The following CACNA2D1 variants were observed in gnomAD, a reference collection of about 807,000 sequenced individuals.
The protein encoded by CACNA2D1 is calcium voltage-gated channel auxiliary subunit alpha2delta 1, also known as voltage-dependent calcium channel subunit alpha-2/delta-1.
Under a neutral mutation model 171.5 loss-of-function variants are expected in CACNA2D1, and 53 were observed. That is an observed-to-expected ratio of 0.31 (90% confidence interval 0.25 to 0.39). The LOEUF (loss-of-function observed/expected upper bound fraction) is 0.39, where lower values mean the gene tolerates loss of function less well. Among genes scored for constraint, CACNA2D1 ranks in the 10% least tolerant of loss-of-function variants. The pLI, the probability that CACNA2D1 is intolerant of heterozygous loss-of-function variation, is 1.00. For synonymous variants in CACNA2D1, 442 were observed against 443.1 expected (o/e 1.00, Z 0.03); for missense variants, 903 against 1,299.8 (o/e 0.69, Z 4.69).
At chr7:82,001,690 A>G in intron 18 of CACNA2D1, 1 of 1,266,528 alleles carries the variant, frequency 7.9e-7, no homozygotes, top group South Asian at 1.2e-5. Context: ...TCTTAAATTA[A>G]TTGTTGGTAT....
intron 3 of CACNA2D1, among the ~76,000 whole-genome samples, chr7:82,320,114 C>T (rs1815632541): frequency 6.6e-6 from 1 of 151,848 alleles, no homozygotes; most frequent in Non-Finnish European, 1.5e-5. Context: ...TTTGCCCCAA[C>T]CAGCCTGTTA....
chr7:82,007,963 C>T (rs1799305915), intron 15 of CACNA2D1, among the ~76,000 whole-genome samples: 1 of 151,954 alleles, frequency 6.6e-6, no homozygotes, highest in South Asian at 2.1e-4. Context: ...CTACTAGGCA[C>T]CTACTGAAGC....
At chr7:82,439,572 T>C (rs1201933553) in intron 1 of CACNA2D1, among the ~76,000 whole-genome samples, 1 of 151,682 alleles carries the variant, frequency 6.6e-6, no homozygotes, top group East Asian at 1.9e-4. Flanking sequence ...AACCATAATA[T>C]GCTTAGATTC....
intron 3 of CACNA2D1, among the ~76,000 whole-genome samples, chr7:82,206,382 A>C (rs902206242): frequency 3.3e-5 from 5 of 152,222 alleles, no homozygotes; most frequent in Non-Finnish European, 7.4e-5. Context: ...ATAACCATGA[A>C]ATCAAACATT....
intron 6 of CACNA2D1, among the ~76,000 whole-genome samples, chr7:82,110,069 C>A (rs1788193262): frequency 6.6e-6 from 1 of 152,182 alleles, no homozygotes; most frequent in African/African-American, 2.4e-5. Context: ...ATCATACCTC[C>A]TGTTCTTATA....
intron 3 of CACNA2D1, among the ~76,000 whole-genome samples, chr7:82,254,757 T>C (rs1806088359): frequency 6.6e-6 from 1 of 152,204 alleles, no homozygotes; most frequent in South Asian, 2.1e-4. Context: ...ACACTGTTGA[T>C]ACATATAATC....
chr7:81,983,469 T>A, intron 22 of CACNA2D1, 135 bp from the exon 23 acceptor site: 1 of 724,852 alleles, frequency 1.4e-6, no homozygotes, highest in East Asian at 2.7e-5. Context: ...GGTTCATTTA[T>A]GTACAGCTGT....
At chr7:82,279,892 T>C (rs893118812) in intron 3 of CACNA2D1, among the ~76,000 whole-genome samples, 7 of 152,182 alleles carry the variant, frequency 4.6e-5, no homozygotes, top group African/African-American at 1.4e-4. Context: ...GTCCAGGTAA[T>C]TTTCACACAA....
chr7:82,299,659 CAAA>C (rs76037778), intron 3 of CACNA2D1, among the ~76,000 whole-genome samples: 1 of 113,772 alleles, frequency 8.8e-6, no homozygotes, highest in Admixed American at 9.5e-5. Context: ...GACTCTATCT[CAAA>C]AAAAAAAAAA....
intron 3 of CACNA2D1, among the ~76,000 whole-genome samples, chr7:82,290,086 G>A (rs905443061): frequency 1.3e-5 from 2 of 152,096 alleles, no homozygotes; most frequent in African/African-American, 4.8e-5. Flanking sequence ...CTATTAGGTT[G>A]GTGCAAAAGT....
At chr7:82,174,955 T>C (rs531500352) in intron 3 of CACNA2D1, among the ~76,000 whole-genome samples, 1 of 152,176 alleles carries the variant, frequency 6.6e-6, no homozygotes, top group East Asian at 1.9e-4. Flanking sequence ...TCTTTTCCAT[T>C]AGCGTTGAAT....
intron 3 of CACNA2D1, among the ~76,000 whole-genome samples, chr7:82,235,518 C>A (rs1205272326): frequency 6.6e-6 from 1 of 152,142 alleles, no homozygotes; most frequent in Non-Finnish European, 1.5e-5. Flanking sequence ...GCCATCCTCA[C>A]ATTATCACTT....
intron 3 of CACNA2D1, among the ~76,000 whole-genome samples, chr7:82,192,545 T>C (rs1267140581): frequency 6.8e-6 from 1 of 148,098 alleles, no homozygotes; most frequent in Non-Finnish European, 1.5e-5. Flanking sequence ...CAAGGGTCAA[T>C]CCTTGAGAAA....
chr7:82,063,526 A>C (rs1371664751), intron 9 of CACNA2D1, among the ~76,000 whole-genome samples: 2 of 151,834 alleles, frequency 1.3e-5, no homozygotes, highest in Non-Finnish European at 2.9e-5. Context: ...TCCCCAAATT[A>C]CTAGATTTTG....
At chr7:82,241,881 T>G (rs1804343005) in intron 3 of CACNA2D1, among the ~76,000 whole-genome samples, 1 of 152,200 alleles carries the variant, frequency 6.6e-6, no homozygotes, top group Non-Finnish European at 1.5e-5. Flanking sequence ...TGTGTCATTT[T>G]TCACAGTATG....
At chr7:82,227,050 A>G (rs1802439651) in intron 3 of CACNA2D1, among the ~76,000 whole-genome samples, 1 of 152,244 alleles carries the variant, frequency 6.6e-6, no homozygotes, top group Non-Finnish European at 1.5e-5. Flanking sequence ...ATGTTTTAAA[A>G]TCTTGGATAC....
intron 3 of CACNA2D1, among the ~76,000 whole-genome samples, chr7:82,200,364 A>G (rs1266322540): frequency 6.6e-6 from 1 of 152,128 alleles, no homozygotes; most frequent in African/African-American, 2.4e-5. Flanking sequence ...ACCTGTGAAT[A>G]AAATAATGAG....
chr7:82,442,566 T>C (rs1830586039), intron 1 of CACNA2D1, among the ~76,000 whole-genome samples: 1 of 152,250 alleles, frequency 6.6e-6, no homozygotes, highest in Admixed American at 6.5e-5. Flanking sequence ...TATAGCTACC[T>C]ATAAGCCCTC....
chr7:81,990,929 T>G, intron 21 of CACNA2D1, among the ~76,000 whole-genome samples: 1 of 152,200 alleles, frequency 6.6e-6, no homozygotes, highest in South Asian at 2.1e-4. Flanking sequence ...CCCTACATAT[T>G]ATTATGGGTA....
Sources: allele counts gnomAD v4.1 joint callset (sites outside exome capture counted in the v4.1 genomes callset), GRCh38; gene constraint gnomAD v4.1.1; transcripts MANE v1.5; gene names NCBI Gene and HGNC (gene_info 2026-07-23, HGNC 2026-07-21).